TTLL2: variants seen among roughly 807,000 people sequenced by gnomAD.
TTLL2 encodes probable tubulin polyglutamylase TTLL2.
TTLL2 carries 10 observed loss-of-function variants against 7.5 expected under a neutral mutation model. That is an observed-to-expected ratio of 1.33 (90% CI 0.82 to 2.25). The LOEUF (loss-of-function observed/expected upper bound fraction) is 2.25, where lower values mean the gene tolerates loss of function less well. TTLL2 is among the 30% of genes most tolerant of loss of function. The pLI is 0.00. For synonymous variants in TTLL2, 284 were observed against 280.3 expected (o/e 1.01, Z -0.13); for missense variants, 733 against 735.7 (o/e 1.00, Z 0.04).
chr6:167,329,174 C>T (rs1156961913), intron 1 of TTLL2, among the ~76,000 whole-genome samples: 1 of 152,152 alleles, frequency 6.6e-6, no homozygotes, highest in African/African-American at 2.4e-5. Flanking sequence ...GAAACACAGG[C>T]TCCCACCTCA....
intron 1 of TTLL2, among the ~76,000 whole-genome samples, chr6:167,330,360 C>T (rs994552342): frequency 1.3e-5 from 2 of 152,076 alleles, no homozygotes; most frequent in Admixed American, 6.5e-5. Flanking sequence ...GGGTTTGAGA[C>T]CAGCCTGACC....
Position 167,337,202 on chromosome 6 carries a change from A to G in TTLL2, c.48-1445A>G, listed in dbSNP as rs573090338. 7.2e-5 allele frequency among the ~76,000 whole-genome samples: 11 copies of G among 152,376 alleles called. No homozygotes were observed. In the South Asian group the frequency reaches 2.1e-3, roughly 29 times the overall value. The stretch of plus-strand genomic sequence containing the variant: ...TGGTAGTTCCAAAAGGACTTTGAGA[A>G]GAAAAAGTTCTTGAGTATGCATTGC... On this transcript the variant is annotated intron_variant, in intron 1 of 2. Transcript: ENST00000239587.
In TTLL2 at chr6:167,340,755, T is replaced by A. The variant is rs1470223495; in HGVS notation, c.855T>A (p.Phe285Leu). Residue 285 changes from phenylalanine to leucine, a missense_variant, in exon 3 of 3, where the codon TTT becomes TTA. Physicochemically the swap from Phe to Leu is conservative, Grantham distance 22. Coordinates refer to ENST00000239587, the MANE Select transcript of TTLL2 (RefSeq NM_031949.5). Reference sequence around the variant, plus strand: ...TGGTTCGGTTTGCCACGGAAAAGTTTGACCTCAGTAATTTGCAAAACAATT... The same window carrying A: ...TGGTTCGGTTTGCCACGGAAAAGTTAGACCTCAGTAATTTGCAAAACAATT... The part of the protein sequence containing the change: ...EGLVRFATEK[F>L]DLSNLQNNYA... 5.0e-6 allele frequency: 8 copies of A among 1,614,218 alleles called. No homozygotes were observed. Among genetic ancestry groups the A allele is most frequent in the Non-Finnish European group, 6.8e-6 (8 of 1,180,048 alleles).
At chr6:167,333,111 G>A (rs1226645542) in intron 1 of TTLL2, among the ~76,000 whole-genome samples, 3 of 120,220 alleles carry the variant, frequency 2.5e-5, no homozygotes, top group African/African-American at 1.0e-4. Context: ...TTTGAAATAT[G>A]TCCCATCAAT....
intron 1 of TTLL2, among the ~76,000 whole-genome samples, chr6:167,336,734 G>A (rs1006406907): frequency 2.6e-5 from 4 of 152,138 alleles, no homozygotes; most frequent in Non-Finnish European, 5.9e-5. Context: ...GCACTGAAGA[G>A]CTTGTGGTCT....
chr6:167,330,036 G>A (rs1171143570), intron 1 of TTLL2, among the ~76,000 whole-genome samples: 1 of 152,160 alleles, frequency 6.6e-6, no homozygotes, highest in Non-Finnish European at 1.5e-5. Flanking sequence ...ACTCTCTTTG[G>A]TAAAATGTCA....
intron 1 of TTLL2, among the ~76,000 whole-genome samples, chr6:167,332,045 A>G (rs1211961709): frequency 6.6e-6 from 1 of 152,180 alleles, no homozygotes; most frequent in African/African-American, 2.4e-5. Flanking sequence ...TTGCTAAAAG[A>G]AAAACCTTAG....
In TTLL2 at chr6:167,328,169, C is replaced by A. The variant is rs76876450; in HGVS notation, c.47+2949C>A. 1,763 of 455,300 alleles carry A rather than the reference C, an allele frequency of 3.9e-3. 29 individuals are homozygous for A. Among genetic ancestry groups the A allele is most frequent in the African/African-American group, 0.033 (1,638 of 50,076 alleles). The allele number at this position is 455,300 out of a possible 1,614,324, so 28.2% of individuals were successfully genotyped here. The stretch of plus-strand genomic sequence containing the variant: ...TCTTAGTTATTTTTGCAGAGCCTGT[C>A]TTGGATGGAAGAAAGCACCAAAACT... On this transcript the variant is annotated intron_variant, in intron 1 of 2. Transcript: ENST00000239587.
chr6:167,329,776 T>C (rs1410608366), intron 1 of TTLL2, among the ~76,000 whole-genome samples: 1 of 152,188 alleles, frequency 6.6e-6, no homozygotes, highest in Non-Finnish European at 1.5e-5. Flanking sequence ...TGTGGTTTTA[T>C]GTGTTATTTG....
rs1388551378 is a variant in TTLL2, at chr6:167,340,026, G to C, written c.205-79G>C. 4.0e-6 allele frequency: 6 copies of C among 1,484,282 alleles called. No homozygotes were observed. In the South Asian group the frequency reaches 5.4e-5, roughly 13 times the overall value. 91.9% of individuals were successfully genotyped at this position (1,484,282 alleles called of 1,614,324 possible). On this transcript the variant is annotated intron_variant, in intron 2 of 2. Coordinates refer to ENST00000239587, the MANE Select transcript of TTLL2 (RefSeq NM_031949.5). The stretch of plus-strand genomic sequence containing the variant: ...CACACAGGACAGCTGGCAGCACCGG[G>C]TGCACGGTTTCCTCAGAAAAATCTA...
At chr6:167,332,120 C>A (rs911642372) in intron 1 of TTLL2, among the ~76,000 whole-genome samples, 1 of 152,056 alleles carries the variant, frequency 6.6e-6, no homozygotes, top group Non-Finnish European at 1.5e-5. Context: ...GTCACCAAAC[C>A]AGAACAGGTT....
rs148357898 is a variant in TTLL2, at chr6:167,341,260, C to G, written c.1360C>G (p.Pro454Ala). 18 of 1,613,474 alleles carry G rather than the reference C, an allele frequency of 1.1e-5. No homozygotes were observed. In the African/African-American group the frequency reaches 2.4e-4, roughly 22 times the overall value. Reference protein sequence around the residue: ...RGGLDAPDCLPYDSLSFTSRM... With the variant: ...RGGLDAPDCLAYDSLSFTSRM... ...TGGGCTTGATGCTCCTGACTGTCTT[C>G]CTTATGATTCTCTTTCGTTCACAAG... Residue 454 changes from proline (P) to alanine (A), a missense_variant, in exon 3 of 3, where the codon CCT (proline) becomes GCT (alanine). Transcript: ENST00000239587.
chr6:167,338,840 C>CTTCCTTCCTTCCTTCA (rs1779030076), intron 2 of TTLL2, 37 bp downstream of exon 2: 1 of 1,412,418 alleles, frequency 7.1e-7, no homozygotes, highest in East Asian at 2.6e-5. Context: ...TCCTTCCTTC[C>CTTCCTTCCTTCCTTCA]TTCCTTCCTT....
chr6:167,327,430 T>C (rs775510284), intron 1 of TTLL2, among the ~76,000 whole-genome samples: 42 of 152,196 alleles, frequency 2.8e-4, no homozygotes, highest in Non-Finnish European at 5.1e-4. Flanking sequence ...GCCATCTTCT[T>C]TAGGAGTAAA....
In TTLL2 at chr6:167,340,212, G is replaced by A. The variant is rs369485571; in HGVS notation, c.312G>A (p.Leu104=). 6.2e-6 allele frequency: 10 copies of A among 1,613,986 alleles called. 1 individual carries two copies. The African/African-American group carries it at 8.0e-5, about 13-fold the overall frequency. The change falls in exon 3 of 3, where the codon CTG becomes CTA. Residue 104 remains leucine (L), a synonymous_variant. Transcript: ENST00000239587. ...CGGCTGTGGTGCAAAGCGTCCTCCT[G>A]GAGAGGGGGTGGAATAAGTTTGATA... The part of the protein sequence containing the change: ...TTPAVVQSVL[L]ERGWNKFDKQ...
At chr6:167,340,036 T>G in intron 2 of TTLL2, 69 bp from the exon 3 acceptor site, 1 of 1,508,834 alleles carries the variant, frequency 6.6e-7, no homozygotes, top group South Asian at 1.3e-5. Context: ...GTGCACGGTT[T>G]CCTCAGAAAA....
chr6:167,338,595 C>T, intron 1 of TTLL2, 52 bp from the exon 2 acceptor site: 3 of 1,560,806 alleles, frequency 1.9e-6, no homozygotes, highest in Non-Finnish European at 2.6e-6. Context: ...ATTAAAGCAA[C>T]AGTGACAAGG....
chr6:167,340,976 C>T lies in TTLL2; in HGVS notation c.1076C>T (p.Ser359Phe). The change falls in exon 3 of 3, where the codon TCT (serine) becomes TTT (phenylalanine). Residue 359 changes from serine (S) to phenylalanine (F), a missense_variant. Physicochemically the swap from Ser to Phe is radical, Grantham distance 155 (BLOSUM62 -2). Coordinates refer to ENST00000239587, the MANE Select transcript of TTLL2 (RefSeq NM_031949.5). ...CTCACCATTCTCGCCATTGCACCAT[C>T]TGTCCCCTTTGCTGCCAATTGCTTT... is the stretch of plus-strand genomic sequence containing the variant. ...VILTILAIAP[S>F]VPFAANCFEL... 6.2e-7 allele frequency: 1 copy of T among 1,614,148 alleles called. No homozygotes were observed. Among genetic ancestry groups the T allele is most frequent in the Non-Finnish European group, 8.5e-7 (1 of 1,180,034 alleles).
chr6:167,340,815 C>T lies in TTLL2; in HGVS notation c.915C>T (p.Ser305=), dbSNP rs142520191. Residue 305 remains serine, a synonymous_variant, in exon 3 of 3, where the codon TCC becomes TCT. Transcript: ENST00000239587. ...TGACCAACAGCAGCATCAATAAATC[C>T]GGGGCCTCTTATGAGAAGATCAAAG... ...AHLTNSSINK[S]GASYEKIKEV... is the part of the protein sequence containing the mutation. 6,879 of 1,614,086 alleles carry T rather than the reference C, an allele frequency of 4.3e-3. 61 individuals carry two copies. The highest frequency in any genetic ancestry group is 0.03 in the Admixed American group (1,782 of 60,010).
Sources: gnomAD v4.1 joint callset for allele counts (sites outside exome capture counted in the v4.1 genomes callset) on GRCh38, gnomAD v4.1.1 for gene constraint, MANE v1.5 for transcripts, NCBI Gene and HGNC (gene_info 2026-07-23, HGNC 2026-07-21) for gene names.